The following ELAPOR2 variants were observed in gnomAD, a reference collection of about 807,000 sequenced individuals.
ELAPOR2 encodes endosome-lysosome associated apoptosis and autophagy regulator family member 2.
In ELAPOR2, 89 loss-of-function variants were observed where a neutral mutation model predicts 120.7. The ratio of observed to expected loss-of-function variants is 0.74; its 90% CI spans 0.62 to 0.88. The LOEUF (loss-of-function observed/expected upper bound fraction) is 0.88, where lower values mean the gene tolerates loss of function less well. Ranked by LOEUF, ELAPOR2 falls within the 40% of genes least tolerant of loss-of-function variation. ELAPOR2 has a pLI of 0.00. For synonymous variants in ELAPOR2, 444 were observed against 444.9 expected (o/e 1.00, Z 0.03); for missense variants, 1,134 against 1,251.6 (o/e 0.91, Z 1.42).
chr7:86,963,922 C>T (rs898645917), intron 2 of ELAPOR2, among the ~76,000 whole-genome samples: 1 of 152,200 alleles, frequency 6.6e-6, no homozygotes, highest in Non-Finnish European at 1.5e-5. Context: ...TCATTAATAT[C>T]ATTCACCAAG....
chr7:86,987,140 C>T (rs1792772405), intron 1 of ELAPOR2, among the ~76,000 whole-genome samples: 1 of 152,164 alleles, frequency 6.6e-6, no homozygotes, highest in African/African-American at 2.4e-5. Context: ...ACTGGGTAGT[C>T]ATATGTAGAA....
At chr7:87,044,783 T>C (rs201593275) in intron 1 of ELAPOR2, among the ~76,000 whole-genome samples, 35,151 of 151,066 alleles carry the variant, frequency 0.23, 4,990 homozygotes, top group Non-Finnish European at 0.32. Context: ...AAACAGCTTC[T>C]GCACAGCAAA....
intron 21 of ELAPOR2, among the ~76,000 whole-genome samples, chr7:86,888,094 T>G (rs564985507): frequency 6.0e-4 from 92 of 152,166 alleles, no homozygotes; most frequent in African/African-American, 2.2e-3. Flanking sequence ...CCTGTATTGT[T>G]GCTTTGTTGG....
rs184700999 is a variant in ELAPOR2, at chr7:87,014,205, A to G, written c.189+45120T>C. On this transcript the variant is annotated intron_variant, in intron 1 of 21. Transcript: ENST00000450689. ...AGTTCAACATTAATGAATCAACAAC[A>G]TAGATTAAATAAGATCTCTTAAAAT... 4.6e-5 allele frequency among the ~76,000 whole-genome samples: 7 copies of G among 152,264 alleles called. No homozygotes were observed. The East Asian group carries it at 1.4e-3, about 29-fold the overall frequency.
intron 1 of ELAPOR2, among the ~76,000 whole-genome samples, chr7:87,040,676 A>C (rs1794753385): frequency 6.6e-6 from 1 of 152,236 alleles, no homozygotes. Flanking sequence ...AACAGAACAG[A>C]ACAGCTGGAA....
In ELAPOR2 at chr7:87,003,431, C is replaced by G. The variant is rs147231518; in HGVS notation, c.190-38407G>C. Among the ~76,000 whole-genome samples, 388 of 152,114 alleles carry G rather than the reference C, an allele frequency of 2.6e-3. 2 individuals are homozygous for G. The highest frequency in any genetic ancestry group is 0.01 in the Middle Eastern group (3 of 294). On this transcript the variant is annotated intron_variant, in intron 1 of 21. Transcript: ENST00000450689. ...ATTTGATCATGGGGGCAAATTTCCC[C>G]CTTGCTATTCTCATGATAGTGAGTT...
chr7:86,981,522 C>T (rs991857514), intron 1 of ELAPOR2, among the ~76,000 whole-genome samples: 1 of 152,178 alleles, frequency 6.6e-6, no homozygotes, highest in African/African-American at 2.4e-5. Context: ...AAACCATGTG[C>T]TCAAACCATA....
rs753620440 is a variant in ELAPOR2 at position 86,884,902 on chromosome 7, TA to T, written c.3031-4373del. On this transcript the variant is annotated intron_variant, in intron 21 of 21. Coordinates refer to ENST00000450689, the MANE Select transcript of ELAPOR2 (RefSeq NM_001142749.3). ...TTTTAGATATATTCATAGATGACAG[TA>T]AAAAGGTCCCAGAGATTTTGAAGTG... Among the ~76,000 whole-genome samples, 4 of 152,150 alleles carry T rather than the reference TA, an allele frequency of 2.6e-5. No homozygotes were observed. The East Asian group carries it at 7.7e-4, about 29-fold the overall frequency.
chr7:86,982,958 C>T (rs928412767), intron 1 of ELAPOR2, among the ~76,000 whole-genome samples: 3 of 152,008 alleles, frequency 2.0e-5, no homozygotes, highest in Admixed American at 6.6e-5. Flanking sequence ...AGATGAATGG[C>T]GAACTAGAAA....
chr7:86,953,740 T>C (rs1791362369), intron 2 of ELAPOR2, among the ~76,000 whole-genome samples: 1 of 152,190 alleles, frequency 6.6e-6, no homozygotes, highest in South Asian at 2.1e-4. Flanking sequence ...CCTTGAAATC[T>C]TAGAGAAACT....
chr7:87,030,399 CAT>C (rs542815715), intron 1 of ELAPOR2, among the ~76,000 whole-genome samples: 25 of 151,676 alleles, frequency 1.6e-4, no homozygotes, highest in African/African-American at 5.8e-4. Flanking sequence ...TAAATGCAAA[CAT>C]GTTAGTCAAC....
chr7:86,964,238 A>G (rs1038441638), intron 2 of ELAPOR2, among the ~76,000 whole-genome samples: 1 of 141,288 alleles, frequency 7.1e-6, no homozygotes, highest in Non-Finnish European at 1.5e-5. Flanking sequence ...GGAACCCCTA[A>G]CTCACTAAAT....
At chr7:87,056,567 A>G (rs1198405210) in intron 1 of ELAPOR2, among the ~76,000 whole-genome samples, 1 of 152,226 alleles carries the variant, frequency 6.6e-6, no homozygotes, top group African/African-American at 2.4e-5. Context: ...TCTGATCACC[A>G]GCTGAACATT....
chr7:86,942,418 T>A (rs550013297), intron 4 of ELAPOR2, among the ~76,000 whole-genome samples: 1 of 151,976 alleles, frequency 6.6e-6, no homozygotes, highest in African/African-American at 2.4e-5. Context: ...GGAGACAAAG[T>A]ATAAAACAAC....
At chr7:86,929,077 C>T (rs1790206744) in intron 8 of ELAPOR2, among the ~76,000 whole-genome samples, 2 of 151,682 alleles carry the variant, frequency 1.3e-5, no homozygotes, top group Admixed American at 6.6e-5. Flanking sequence ...GCAAAATTTA[C>T]CAGTTTATTA....
At chr7:86,908,321 C>T in intron 17 of ELAPOR2, 126 bp downstream of exon 17, 1 of 573,006 alleles carries the variant, frequency 1.7e-6, no homozygotes. Flanking sequence ...ATCTTCTCTG[C>T]CATAAGAACT....
In ELAPOR2 at chr7:86,897,066, A is replaced by G. The variant is rs548182865; in HGVS notation, c.2685+440T>C. ...AGGGAAAGTTTTCATAATGTATTAA[A>G]TATAAAATGGAAACAAAAAATACTT... On this transcript the variant is annotated intron_variant, in intron 19 of 21. Coordinates refer to ENST00000450689, the MANE Select transcript of ELAPOR2 (RefSeq NM_001142749.3). Among the ~76,000 whole-genome samples the G allele has an allele frequency of 5.3e-5, 8 of 152,246 alleles. No homozygotes were observed. In the South Asian group the frequency reaches 1.7e-3, roughly 32 times the overall value.
chr7:86,899,280 A>T (rs1788605079), intron 18 of ELAPOR2, among the ~76,000 whole-genome samples: 1 of 152,108 alleles, frequency 6.6e-6, no homozygotes. Flanking sequence ...AGCTATTTGG[A>T]CAGATTTTAG....
intron 1 of ELAPOR2, among the ~76,000 whole-genome samples, chr7:87,014,549 T>A (rs773304533): frequency 7.9e-5 from 12 of 152,112 alleles, no homozygotes; most frequent in Non-Finnish European, 1.6e-4. Flanking sequence ...CAACACCACA[T>A]CCACTCTATC....
Sources: allele counts gnomAD v4.1 joint callset (sites outside exome capture counted in the v4.1 genomes callset), GRCh38; gene constraint gnomAD v4.1.1; transcripts MANE v1.5; gene names NCBI Gene and HGNC (gene_info 2026-07-23, HGNC 2026-07-21).